Variants in PTPRG observed in about 807,000 individuals in gnomAD.
PTPRG encodes protein tyrosine phosphatase receptor type G, also known as receptor-type tyrosine-protein phosphatase gamma.
Under a neutral mutation model 165.3 loss-of-function variants are expected in PTPRG, and 102 were observed. That is an observed-to-expected ratio of 0.62 (90% CI 0.53 to 0.73). The LOEUF (loss-of-function observed/expected upper bound fraction) is 0.73. Ranked by LOEUF, PTPRG falls within the 30% of genes least tolerant of loss-of-function variation. The pLI is 0.00. For missense variants in PTPRG, 1,866 were observed against 1,861.4 expected (o/e 1.00, Z -0.05); for synonymous variants, 675 against 669.5 (o/e 1.01, Z -0.13).
chr3:61,736,361 T>C (rs77488361), intron 1 of PTPRG, among the ~76,000 whole-genome samples: 6,447 of 152,112 alleles, frequency 0.042, 188 homozygotes, highest in African/African-American at 0.071. Flanking sequence ...ACTATATAGC[T>C]AAGGGAAAAT....
At chr3:61,892,273 C>G (rs1255786833) in intron 2 of PTPRG, among the ~76,000 whole-genome samples, 1 of 152,188 alleles carries the variant, frequency 6.6e-6, no homozygotes, top group Non-Finnish European at 1.5e-5. Flanking sequence ...GTTGCCCAGG[C>G]TGGAGTGCAG....
intron 1 of PTPRG, among the ~76,000 whole-genome samples, chr3:61,599,255 T>G (rs180922715): frequency 2.7e-4 from 41 of 152,294 alleles, no homozygotes; most frequent in Admixed American, 1.0e-3. Context: ...GTTCAAGCGA[T>G]TCTCCTGCCT....
intron 2 of PTPRG, among the ~76,000 whole-genome samples, chr3:61,892,969 T>G (rs1185470129): frequency 1.3e-5 from 2 of 152,186 alleles, no homozygotes; most frequent in Non-Finnish European, 2.9e-5. Flanking sequence ...GTAGATACAA[T>G]ACAGCATAAG....
intron 2 of PTPRG, among the ~76,000 whole-genome samples, chr3:61,807,670 G>A (rs968498468): frequency 6.6e-6 from 1 of 152,158 alleles, no homozygotes; most frequent in Non-Finnish European, 1.5e-5. Flanking sequence ...TTGTGTAAAT[G>A]CCATCTTGAT....
At chr3:62,114,229 G>A (rs776423017) in intron 5 of PTPRG, among the ~76,000 whole-genome samples, 25 of 152,226 alleles carry the variant, frequency 1.6e-4, no homozygotes, top group Non-Finnish European at 2.8e-4. Context: ...AACTTGGGAG[G>A]CGGAGGTTGT....
At chr3:62,105,758 A>G (rs1386729544) in intron 5 of PTPRG, among the ~76,000 whole-genome samples, 1 of 152,204 alleles carries the variant, frequency 6.6e-6, no homozygotes, top group Non-Finnish European at 1.5e-5. Flanking sequence ...TAGAGATACC[A>G]TGGAGTCTTT....
At chr3:62,119,787 ATTTTTTTTTTTT>A (rs34842750) in intron 5 of PTPRG, among the ~76,000 whole-genome samples, 5 of 111,722 alleles carry the variant, frequency 4.5e-5, no homozygotes, top group African/African-American at 1.7e-4. Context: ...CGCCTGGCTA[ATTTTTTTTTTTT>A]TTTTTTTTTG....
chr3:62,006,243 G>A (rs1329968882), intron 4 of PTPRG, among the ~76,000 whole-genome samples: 3 of 152,266 alleles, frequency 2.0e-5, no homozygotes, highest in East Asian at 3.9e-4. Flanking sequence ...CTAAAAATGT[G>A]ATAACCATAT....
At chr3:62,211,255 A>C (rs1232338510) in intron 12 of PTPRG, among the ~76,000 whole-genome samples, 2 of 152,160 alleles carry the variant, frequency 1.3e-5, no homozygotes, top group African/African-American at 4.8e-5. Context: ...TGAGCCAGTC[A>C]CAAAAAGACA....
intron 1 of PTPRG, among the ~76,000 whole-genome samples, chr3:61,584,782 C>T (rs911784626): frequency 6.6e-6 from 1 of 152,068 alleles, no homozygotes; most frequent in Non-Finnish European, 1.5e-5. Context: ...AGCCCTCACA[C>T]GGAATCTTAT....
At position 62,074,334 on chromosome 3, in the gene PTPRG, C is replaced by CTTTCT. The variant is rs370443593; in HGVS notation, c.520-3816_520-3812dup. 1.1e-3 allele frequency among the ~76,000 whole-genome samples: 144 copies of CTTTCT among 129,224 alleles called. 7 individuals are homozygous for CTTTCT. Among genetic ancestry groups the CTTTCT allele is most frequent in the African/African-American group, 4.9e-3 (140 of 28,430 alleles). 84.8% of individuals were successfully genotyped at this position (129,224 alleles called of 152,430 possible). A position where few individuals can be genotyped will look rare whatever the true frequency, so the allele number is the denominator to read the frequency against. On this transcript the variant is annotated intron_variant, in intron 4 of 29. Transcript: ENST00000474889. ...TTCCAGATCTTTTTTTCTTTTTTTC[C>CTTTCT]TTTCTTTTCTTTTCTTTCTTTTTTT...
chr3:62,182,622 T>C (rs999306729), intron 8 of PTPRG, among the ~76,000 whole-genome samples: 12 of 152,240 alleles, frequency 7.9e-5, no homozygotes, highest in African/African-American at 2.7e-4. Context: ...GCCTGACATA[T>C]GGCCGGTGCC....
chr3:61,884,108 T>C (rs2037964339), intron 2 of PTPRG, among the ~76,000 whole-genome samples: 1 of 152,230 alleles, frequency 6.6e-6, no homozygotes. Flanking sequence ...TATAGTCACC[T>C]CTTTCTTCTT....
Position 62,220,121 on chromosome 3 carries a change from C to T in PTPRG, c.2288+1138C>T, listed in dbSNP as rs368560192. 6.7e-3 allele frequency among the ~76,000 whole-genome samples: 1,020 copies of T among 152,316 alleles called. 11 individuals are homozygous for T. The highest frequency in any genetic ancestry group is 0.023 in the African/African-American group (975 of 41,570). On this transcript the variant is annotated intron_variant, in intron 13 of 29. Transcript: ENST00000474889. ...CTGAGGCAAGGGCATGCCTGGTGTG[C>T]ACCAGGAACAGCCAGAGGTCAGTGG...
intron 2 of PTPRG, among the ~76,000 whole-genome samples, chr3:61,761,821 C>T (rs1243186325): frequency 6.6e-6 from 1 of 152,176 alleles, no homozygotes; most frequent in Non-Finnish European, 1.5e-5. Context: ...TGAAATTTTG[C>T]TGCTCCCAAA....
At chr3:61,645,367 G>C (rs1339037849) in intron 1 of PTPRG, among the ~76,000 whole-genome samples, 2 of 152,212 alleles carry the variant, frequency 1.3e-5, no homozygotes, top group African/African-American at 2.4e-5. Context: ...TTAACTGATA[G>C]ATGATTCCTG....
At position 62,039,133 on chromosome 3, in the gene PTPRG, C is replaced by T. The variant is rs542884694; in HGVS notation, c.519+35636C>T. Reference sequence around the variant, plus strand: ...TATTTTTAGTAGGGACGGGGTTTCACTGTGTTGGCTAGGCTGCTCTTGAAC... The same window carrying T: ...TATTTTTAGTAGGGACGGGGTTTCATTGTGTTGGCTAGGCTGCTCTTGAAC... On this transcript the variant is annotated intron_variant, in intron 4 of 29. Transcript: ENST00000474889. 2.6e-5 allele frequency among the ~76,000 whole-genome samples: 4 copies of T among 152,166 alleles called. No individual in the cohort carries two copies. The East Asian group carries it at 7.8e-4, about 29-fold the overall frequency.
intron 2 of PTPRG, among the ~76,000 whole-genome samples, chr3:61,759,353 T>C (rs1173537485): frequency 6.6e-6 from 1 of 152,154 alleles, no homozygotes; most frequent in Admixed American, 6.5e-5. Context: ...CATGTCACTA[T>C]AGTATATAAT....
chr3:61,728,143 G>A (rs571332628), intron 1 of PTPRG, among the ~76,000 whole-genome samples: 1 of 152,214 alleles, frequency 6.6e-6, no homozygotes. Context: ...TTGGAGATGA[G>A]TGAATTACAG....
Sources: allele counts gnomAD v4.1 joint callset (sites outside exome capture counted in the v4.1 genomes callset), GRCh38; gene constraint gnomAD v4.1.1; transcripts MANE v1.5; gene names NCBI Gene and HGNC (gene_info 2026-07-23, HGNC 2026-07-21).